Variants in HECW2 observed in about 807,000 individuals in gnomAD.
HECW2 encodes the protein HECT, C2 and WW domain containing E3 ubiquitin protein ligase 2, also known as E3 ubiquitin-protein ligase HECW2.
HECW2 carries 61 observed loss-of-function variants against 175.2 expected under a neutral mutation model. The ratio of observed to expected loss-of-function variants is 0.35; its 90% CI spans 0.28 to 0.43. The LOEUF is 0.43. Among genes scored for constraint, HECW2 ranks in the 20% least tolerant of loss-of-function variants. The pLI is 1.00. For synonymous variants in HECW2, 671 were observed against 731.0 expected, an observed-to-expected ratio of 0.92 and a Z score of 1.32; for missense variants, 1,524 against 2,000.5, an observed-to-expected ratio of 0.76 and a Z score of 4.54.
intron 19 of HECW2, among the ~76,000 whole-genome samples, chr2:196,253,217 G>T (rs1191473953): frequency 6.6e-6 from 1 of 152,200 alleles, no homozygotes; most frequent in Non-Finnish European, 1.5e-5. Context: ...CACTTCTACT[G>T]AAATCATTTT....
intron 1 of HECW2, among the ~76,000 whole-genome samples, chr2:196,578,526 A>G (rs548967592): frequency 1.9e-4 from 29 of 152,326 alleles, no homozygotes; most frequent in African/African-American, 7.0e-4. Context: ...ACAAACTCCA[A>G]ACAGGATAAA....
At chr2:196,286,445 G>C (rs951348879) in intron 14 of HECW2, among the ~76,000 whole-genome samples, 1 of 145,578 alleles carries the variant, frequency 6.9e-6, no homozygotes, top group Non-Finnish European at 1.5e-5. Flanking sequence ...AAAAAGAAAA[G>C]GCAAAGACCA....
Position 196,362,170 on chromosome 2 carries a change from T to A in HECW2, c.293-18406A>T, listed in dbSNP as rs901256151. On this transcript the variant is annotated intron_variant, in intron 2 of 28. Coordinates refer to ENST00000644978, the MANE Select transcript of HECW2 (RefSeq NM_001348768.2). The stretch of plus-strand genomic sequence containing the variant: ...ATCAAGACTTATCACTGTCCAGGCA[T>A]CCTAAGTGAAAAAATGTATCACATC... 2.1e-5 allele frequency: 21 copies of A among 985,242 alleles called. No homozygotes were observed. The Admixed American group carries it at 2.5e-4, about 12-fold the overall frequency. 61.0% of individuals were successfully genotyped at this position (985,242 alleles called of 1,614,324 possible).
intron 1 of HECW2, among the ~76,000 whole-genome samples, chr2:196,514,411 A>C (rs1268156927): frequency 2.0e-5 from 3 of 152,216 alleles, no homozygotes; most frequent in Non-Finnish European, 4.4e-5. Flanking sequence ...CCTCAGCAGA[A>C]AAGCCTGGGA....
intron 2 of HECW2, among the ~76,000 whole-genome samples, chr2:196,375,175 G>GA (rs1203420582): frequency 1.4e-4 from 19 of 131,154 alleles, no homozygotes; most frequent in African/African-American, 5.2e-4. Flanking sequence ...AAAAAAGAAA[G>GA]AAAAAAAAGA....
chr2:196,474,329 G>GA (rs1442062557), intron 1 of HECW2, among the ~76,000 whole-genome samples: 3 of 152,214 alleles, frequency 2.0e-5, no homozygotes, highest in Non-Finnish European at 2.9e-5. Context: ...GATAATGTAA[G>GA]AAAGTGCACA....
intron 1 of HECW2, among the ~76,000 whole-genome samples, chr2:196,576,638 C>A (rs919090751): frequency 1.3e-5 from 2 of 151,990 alleles, no homozygotes; most frequent in African/African-American, 4.8e-5. Context: ...TCTAACATAC[C>A]GCATGATATC....
At chr2:196,393,866 C>T (rs1276705437) in intron 2 of HECW2, among the ~76,000 whole-genome samples, 3 of 152,068 alleles carry the variant, frequency 2.0e-5, no homozygotes, top group South Asian at 2.1e-4. Context: ...ATGTTTATTG[C>T]GGCACTATTC....
At chr2:196,333,084 C>T (rs755463953) in intron 4 of HECW2, among the ~76,000 whole-genome samples, 29 of 152,080 alleles carry the variant, frequency 1.9e-4, no homozygotes, top group Non-Finnish European at 4.0e-4. Context: ...GCTTGTCTCT[C>T]GGACACACCT....
rs564466290 is a variant in HECW2 at position 196,423,832 on chromosome 2, C to T, written c.292+9300G>A. On this transcript the variant is annotated intron_variant, in intron 2 of 28. Transcript: ENST00000644978. ...GGAATCCAGATATCTCTTCTGTATG[C>T]TGACTTCATTTCCTTTGGATATGTA... Among the ~76,000 whole-genome samples, 8 of 152,106 alleles carry T rather than the reference C, an allele frequency of 5.3e-5. No homozygotes were observed. In the South Asian group the frequency reaches 1.7e-3, roughly 32 times the overall value.
chr2:196,224,983 G>C (rs1687797881), intron 23 of HECW2, among the ~76,000 whole-genome samples: 1 of 152,164 alleles, frequency 6.6e-6, no homozygotes, highest in South Asian at 2.1e-4. Flanking sequence ...TGAGGTCTAG[G>C]CTTCCATTTT....
rs759193694 is a variant in HECW2, at chr2:196,306,575, G to A, written c.2727C>T (p.Ser909=). The change falls in exon 13 of 29, where the codon TCC becomes TCT. Residue 909 remains serine (S), a synonymous_variant. Transcript: ENST00000644978. ...GTAACAGCAACGTGATCCTGGATCT[G>A]GAGGTAGAGTGAGGCAGGATGTTCT... ...RRENILPHST[S]RSRITLLLQS... 1.9e-6 allele frequency: 3 copies of A among 1,613,242 alleles called. No individual in the cohort carries two copies. The South Asian group carries it at 3.3e-5, about 18-fold the overall frequency.
At chr2:196,239,455 G>A (rs1688369680) in intron 21 of HECW2, 1 of 152,188 alleles carries the variant, frequency 6.6e-6, no homozygotes, top group South Asian at 2.1e-4. Flanking sequence ...TCCATCAGCA[G>A]ATGCAAATTA....
At chr2:196,534,464 C>T (rs907899494) in intron 1 of HECW2, among the ~76,000 whole-genome samples, 6 of 152,094 alleles carry the variant, frequency 3.9e-5, no homozygotes, top group Admixed American at 1.3e-4. Flanking sequence ...CTTTTCTTCT[C>T]TTTAAATAAT....
chr2:196,300,694 C>A (rs62184626), intron 13 of HECW2, among the ~76,000 whole-genome samples: 6 of 151,662 alleles, frequency 4.0e-5, no homozygotes, highest in East Asian at 1.9e-4. Context: ...ATATCTATAT[C>A]TATACACATA....
At chr2:196,457,402 T>C (rs539153300) in intron 1 of HECW2, among the ~76,000 whole-genome samples, 4 of 152,374 alleles carry the variant, frequency 2.6e-5, no homozygotes, top group African/African-American at 9.6e-5. Context: ...ACCTGCCCAC[T>C]ACATGGTACT....
Position 196,330,215 on chromosome 2 carries a change from T to C in HECW2, c.496-565A>G, listed in dbSNP as rs74572634. Among the ~76,000 whole-genome samples, 42 of 152,344 alleles carry C rather than the reference T, an allele frequency of 2.8e-4. 1 individual carries two copies. The East Asian group carries it at 6.4e-3, about 23-fold the overall frequency. On this transcript the variant is annotated intron_variant, in intron 4 of 28. Coordinates refer to ENST00000644978, the MANE Select transcript of HECW2 (RefSeq NM_001348768.2). ...ATAAGAATTTGCAGTGCTATTATACTGATAACCTTTTCCTGAAAGCTTTTG... is the reference window on the plus strand; with the variant it reads ...ATAAGAATTTGCAGTGCTATTATACCGATAACCTTTTCCTGAAAGCTTTTG...
chr2:196,559,231 G>A (rs914485456), intron 1 of HECW2, among the ~76,000 whole-genome samples: 4 of 152,182 alleles, frequency 2.6e-5, no homozygotes, highest in Non-Finnish European at 5.9e-5. Flanking sequence ...CCACCTGAGT[G>A]AGCCAGTAAG....
intron 7 of HECW2, 44 bp downstream of exon 7, chr2:196,322,434 A>T (rs763469719): frequency 1.3e-6 from 2 of 1,554,920 alleles, no homozygotes; most frequent in Non-Finnish European, 1.7e-6. Context: ...TTTTTCCTAT[A>T]TGAACTAATC....
Sources: allele counts gnomAD v4.1 joint callset (sites outside exome capture counted in the v4.1 genomes callset), GRCh38; gene constraint gnomAD v4.1.1; transcripts MANE v1.5; gene names NCBI Gene and HGNC (gene_info 2026-07-23, HGNC 2026-07-21).